FGF14: variants seen among roughly 807,000 people sequenced by gnomAD.
FGF14 encodes fibroblast growth factor homologous factor 4.
FGF14 carries 5 observed loss-of-function variants against 25.5 expected under a neutral mutation model. The observed-to-expected ratio is 0.20, with a 90% CI of 0.10 to 0.41. The LOEUF (loss-of-function observed/expected upper bound fraction) is 0.41. Ranked by LOEUF, FGF14 falls within the 10% of genes least tolerant of loss-of-function variation. FGF14 has a pLI of 1.00. For missense variants in FGF14, 222 were observed against 320.1 expected, an observed-to-expected ratio of 0.69 and a Z score of 2.34; for synonymous variants, 138 against 118.3, an observed-to-expected ratio of 1.17 and a Z score of -1.08.
chr13:101,970,903 G>T (rs1176064564), intron 1 of FGF14, among the ~76,000 whole-genome samples: 2 of 152,100 alleles, frequency 1.3e-5, no homozygotes, highest in African/African-American at 2.4e-5. Context: ...GAGCCTTGAA[G>T]CCCCTATTTC....
intron 3 of FGF14, among the ~76,000 whole-genome samples, chr13:101,834,159 C>T (rs2042809794): frequency 6.6e-6 from 1 of 152,050 alleles, no homozygotes; most frequent in African/African-American, 2.4e-5. Context: ...AGATTTTGCA[C>T]TTTAGGTAGT....
chr13:102,303,184 C>T (rs944658658), intron 1 of FGF14, among the ~76,000 whole-genome samples: 2 of 152,130 alleles, frequency 1.3e-5, no homozygotes, highest in African/African-American at 4.8e-5. Context: ...GTCTGTGTTC[C>T]CCAGACACCT....
chr13:102,377,421 A>G (rs1258278819), intron 1 of FGF14, among the ~76,000 whole-genome samples: 1 of 152,212 alleles, frequency 6.6e-6, no homozygotes, highest in Non-Finnish European at 1.5e-5. Flanking sequence ...ATACATTATA[A>G]AAGTCTAGAA....
intron 1 of FGF14, among the ~76,000 whole-genome samples, chr13:102,111,384 C>A (rs1404040587): frequency 6.6e-6 from 1 of 152,152 alleles, no homozygotes; most frequent in Admixed American, 6.5e-5. Flanking sequence ...AGGATAGCTG[C>A]AATACTAGCA....
chr13:102,337,538 T>A (rs1437103238), intron 1 of FGF14, among the ~76,000 whole-genome samples: 1 of 152,182 alleles, frequency 6.6e-6, no homozygotes, highest in Non-Finnish European at 1.5e-5. Context: ...ATGTAGCATA[T>A]CCCATAAACT....
At chr13:101,962,620 T>C (rs1201550443) in intron 1 of FGF14, among the ~76,000 whole-genome samples, 2 of 152,222 alleles carry the variant, frequency 1.3e-5, no homozygotes, top group Non-Finnish European at 2.9e-5. Flanking sequence ...AAAGTTCATT[T>C]TCACTGAAAT....
chr13:102,324,223 G>C (rs149294217), intron 1 of FGF14, among the ~76,000 whole-genome samples: 1 of 152,170 alleles, frequency 6.6e-6, no homozygotes, highest in African/African-American at 2.4e-5. Flanking sequence ...AATGGAGGGA[G>C]AGAACCCTCT....
intron 3 of FGF14, among the ~76,000 whole-genome samples, chr13:101,783,030 C>G (rs140815856): frequency 1.7e-3 from 259 of 152,238 alleles, no homozygotes; most frequent in African/African-American, 5.8e-3. Flanking sequence ...CACAACCTTG[C>G]CAGCATCTGT....
chr13:102,359,236 T>A (rs910142909), intron 1 of FGF14, among the ~76,000 whole-genome samples: 2 of 152,090 alleles, frequency 1.3e-5, no homozygotes, highest in African/African-American at 4.8e-5. Context: ...ACTTAGGTGA[T>A]GGGTTGATAG....
At chr13:101,726,215 G>A (rs1395399911) in intron 4 of FGF14, among the ~76,000 whole-genome samples, 4 of 151,760 alleles carry the variant, frequency 2.6e-5, no homozygotes, top group East Asian at 3.9e-4. Flanking sequence ...TTGATTCCAC[G>A]CTCAAAACTT....
chr13:101,819,758 T>C (rs1424730306), intron 3 of FGF14, among the ~76,000 whole-genome samples: 1 of 152,176 alleles, frequency 6.6e-6, no homozygotes, highest in Non-Finnish European at 1.5e-5. Context: ...TGAAGATACA[T>C]GATAAATCAA....
At chr13:101,859,283 G>A (rs1021117252) in intron 3 of FGF14, among the ~76,000 whole-genome samples, 2 of 152,088 alleles carry the variant, frequency 1.3e-5, no homozygotes, top group African/African-American at 4.8e-5. Context: ...TTGAGGAAAT[G>A]GGACAAATAT....
intron 1 of FGF14, among the ~76,000 whole-genome samples, chr13:102,276,639 G>A (rs777001894): frequency 2.6e-5 from 4 of 151,896 alleles, no homozygotes; most frequent in Admixed American, 6.6e-5. Flanking sequence ...TAAGTGTCAC[G>A]GTATGCAGTC....
chr13:102,093,087 A>G (rs964363124), intron 1 of FGF14, among the ~76,000 whole-genome samples: 1 of 152,174 alleles, frequency 6.6e-6, no homozygotes, highest in African/African-American at 2.4e-5. Flanking sequence ...AACTGTACAC[A>G]TCTATTTCTA....
chr13:102,300,944 C>T (rs959367859), intron 1 of FGF14, among the ~76,000 whole-genome samples: 18 of 151,082 alleles, frequency 1.2e-4, no homozygotes, highest in African/African-American at 4.1e-4. Flanking sequence ...CACATACACA[C>T]ACACACACAC....
At chr13:102,119,049 A>C (rs2045599514) in intron 1 of FGF14, among the ~76,000 whole-genome samples, 1 of 152,164 alleles carries the variant, frequency 6.6e-6, no homozygotes, top group South Asian at 2.1e-4. Flanking sequence ...GGATGCTAGG[A>C]TCTTTATAAC....
chr13:101,874,812 A>T (rs1317951247), intron 2 of FGF14, among the ~76,000 whole-genome samples: 1 of 152,150 alleles, frequency 6.6e-6, no homozygotes, highest in African/African-American at 2.4e-5. Context: ...CATCGTTAAG[A>T]ACCTCAGAGC....
intron 3 of FGF14, among the ~76,000 whole-genome samples, chr13:101,770,960 C>T (rs1282667791): frequency 6.6e-6 from 1 of 151,970 alleles, no homozygotes; most frequent in Non-Finnish European, 1.5e-5. Context: ...ACAAAACACA[C>T]AGATTTAAAA....
intron 1 of FGF14, among the ~76,000 whole-genome samples, chr13:102,387,606 G>A (rs1247415506): frequency 6.6e-6 from 1 of 152,002 alleles, no homozygotes; most frequent in African/African-American, 2.4e-5. Context: ...TAGGTTCAGG[G>A]GTGCATGTGC....
Sources: allele counts gnomAD v4.1 joint callset (sites outside exome capture counted in the v4.1 genomes callset), GRCh38; gene constraint gnomAD v4.1.1; transcripts MANE v1.5; gene names NCBI Gene and HGNC (gene_info 2026-07-23, HGNC 2026-07-21).